COLEC12: variants seen among roughly 807,000 people sequenced by gnomAD.
COLEC12 encodes the protein collectin-12.
Under a neutral mutation model 71.1 loss-of-function variants are expected in COLEC12, and 33 were observed. The observed-to-expected ratio is 0.46, with a 90% confidence interval of 0.35 to 0.62. The LOEUF (loss-of-function observed/expected upper bound fraction) is 0.62. Among genes scored for constraint, COLEC12 ranks in the 20% least tolerant of loss-of-function variants. The pLI is 0.00. For synonymous variants in COLEC12, 350 were observed against 353.0 expected (o/e 0.99, Z 0.10); for missense variants, 765 against 916.1 (o/e 0.84, Z 2.13).
At chr18:370,997 T>C (rs927630740) in intron 2 of COLEC12, among the ~76,000 whole-genome samples, 5 of 152,200 alleles carry the variant, frequency 3.3e-5, no homozygotes, top group African/African-American at 1.2e-4. Flanking sequence ...AAATGAAGAA[T>C]ACAATGAAGT....
chr18:322,837 G>A (rs1232767056), intron 8 of COLEC12, among the ~76,000 whole-genome samples: 3 of 152,168 alleles, frequency 2.0e-5, no homozygotes, highest in African/African-American at 7.2e-5. Flanking sequence ...AAAACCAGAG[G>A]CAGCGGGAAA....
chr18:399,418 T>G lies in COLEC12; in HGVS notation c.59-41896A>C, dbSNP rs1412264070. On this transcript the variant is annotated intron_variant, in intron 2 of 9. Transcript: ENST00000400256. The surrounding 1 kb of genome is among the most constrained non-coding windows in gnomAD (Gnocchi z 4.0). ...GTGCCCCTGCCCAGCCACTCCCTGATAGCTGGAATCCTTCCTTGTCAAACC... is the reference window on the plus strand; with the variant it reads ...GTGCCCCTGCCCAGCCACTCCCTGAGAGCTGGAATCCTTCCTTGTCAAACC... 6.6e-6 allele frequency among the ~76,000 whole-genome samples: 1 copy of G among 152,222 alleles called. No individual in the cohort carries two copies. Among genetic ancestry groups the G allele is most frequent in the African/African-American group, 2.4e-5 (1 of 41,466 alleles).
chr18:479,980 C>T (rs1389377058), intron 2 of COLEC12, among the ~76,000 whole-genome samples: 1 of 152,230 alleles, frequency 6.6e-6, no homozygotes, highest in Non-Finnish European at 1.5e-5. Flanking sequence ...TTTTTAGCTT[C>T]TAATGGCCAC....
At chr18:427,922 A>G (rs546051794) in intron 2 of COLEC12, among the ~76,000 whole-genome samples, 2 of 152,310 alleles carry the variant, frequency 1.3e-5, no homozygotes, top group South Asian at 4.1e-4. Context: ...GTTTAAAAAC[A>G]TGCAATTCTA....
intron 2 of COLEC12, among the ~76,000 whole-genome samples, chr18:368,273 T>C (rs1205295882): frequency 6.6e-6 from 1 of 152,206 alleles, no homozygotes; most frequent in Non-Finnish European, 1.5e-5. Context: ...AAAGGATTTC[T>C]AAAGCAAAAT....
At chr18:458,856 G>A (rs184038730) in intron 2 of COLEC12, among the ~76,000 whole-genome samples, 1 of 152,314 alleles carries the variant, frequency 6.6e-6, no homozygotes, top group Non-Finnish European at 1.5e-5. Flanking sequence ...TTCTTTTTGA[G>A]ACAGGGTCTT....
chr18:467,291 T>C (rs1917107147), intron 2 of COLEC12, among the ~76,000 whole-genome samples: 1 of 152,202 alleles, frequency 6.6e-6, no homozygotes, highest in African/African-American at 2.4e-5. Flanking sequence ...TGCTCCCACT[T>C]TACAGAACCA....
intron 2 of COLEC12, among the ~76,000 whole-genome samples, chr18:440,253 GATGA>G (rs1230481663): frequency 2.0e-5 from 3 of 152,076 alleles, no homozygotes; most frequent in Admixed American, 6.5e-5. Context: ...TCAGTGATAA[GATGA>G]ATAAGTTCGG....
intron 2 of COLEC12, among the ~76,000 whole-genome samples, chr18:417,597 T>G (rs901840382): frequency 2.0e-5 from 3 of 152,166 alleles, no homozygotes; most frequent in Non-Finnish European, 4.4e-5. Flanking sequence ...TTGCCCTACC[T>G]TCTGGGCAGG....
intron 7 of COLEC12, 28 bp downstream of exon 7, chr18:332,979 T>C: frequency 6.5e-7 from 1 of 1,533,668 alleles, no homozygotes; most frequent in East Asian, 2.3e-5. Context: ...ATTATAGTTT[T>C]CCCCAACCAA....
chr18:388,376 G>A (rs928927630), intron 2 of COLEC12, among the ~76,000 whole-genome samples: 6 of 152,086 alleles, frequency 3.9e-5, no homozygotes, highest in African/African-American at 9.7e-5. Flanking sequence ...AACTAAATCC[G>A]CCTAATTGGA....
chr18:403,880 T>C (rs1002387331), intron 2 of COLEC12, among the ~76,000 whole-genome samples: 1 of 152,208 alleles, frequency 6.6e-6, no homozygotes, highest in South Asian at 2.1e-4. Flanking sequence ...CTCATACCTA[T>C]GGCACAAACA....
intron 2 of COLEC12, among the ~76,000 whole-genome samples, chr18:442,500 TG>T (rs1246931762): frequency 6.6e-6 from 1 of 152,236 alleles, no homozygotes; most frequent in Non-Finnish European, 1.5e-5. Flanking sequence ...TTGAGTTCTG[TG>T]TATTTCTGCC....
intron 2 of COLEC12, among the ~76,000 whole-genome samples, chr18:460,872 A>G (rs1031805005): frequency 6.6e-6 from 1 of 152,168 alleles, no homozygotes; most frequent in African/African-American, 2.4e-5. Flanking sequence ...TATCACTCGG[A>G]GGGTCAGAGA....
At chr18:337,783 C>A (rs924152707) in intron 5 of COLEC12, among the ~76,000 whole-genome samples, 6 of 152,180 alleles carry the variant, frequency 3.9e-5, no homozygotes, top group African/African-American at 1.4e-4. Context: ...GTGTCTACAG[C>A]TGAACTTCTT....
chr18:453,142 T>A (rs978422960), intron 2 of COLEC12, among the ~76,000 whole-genome samples: 5 of 152,196 alleles, frequency 3.3e-5, no homozygotes, highest in Non-Finnish European at 7.3e-5. Context: ...CAACTTCCCC[T>A]CTTAAGATGT....
intron 2 of COLEC12, chr18:424,369 GC>G (rs756424478): frequency 1.3e-5 from 2 of 152,182 alleles, no homozygotes; most frequent in Non-Finnish European, 2.9e-5. Flanking sequence ...CATAGCTTTT[GC>G]CCCCACATTG....
At chr18:323,272 C>T (rs1015108909) in intron 8 of COLEC12, among the ~76,000 whole-genome samples, 4 of 152,012 alleles carry the variant, frequency 2.6e-5, no homozygotes, top group African/African-American at 7.3e-5. Flanking sequence ...ATTAAATAAA[C>T]CTAGTGATGA....
intron 2 of COLEC12, among the ~76,000 whole-genome samples, chr18:438,037 T>C (rs1306506778): frequency 2.0e-5 from 3 of 152,240 alleles, no homozygotes; most frequent in South Asian, 2.1e-4. Context: ...CTCCTGAATA[T>C]ATTTTGAGTT....
Sources: allele counts gnomAD v4.1 joint callset (sites outside exome capture counted in the v4.1 genomes callset), GRCh38; gene constraint gnomAD v4.1.1; non-coding constraint Gnocchi (gnomAD v3.1); transcripts MANE v1.5; gene names NCBI Gene and HGNC (gene_info 2026-07-23, HGNC 2026-07-21).